Variants in GALNT13 observed in about 807,000 individuals in gnomAD.
GALNT13 encodes polypeptide N-acetylgalactosaminyltransferase 13.
GALNT13 carries 28 observed loss-of-function variants against 64.2 expected under a neutral mutation model. That is an observed-to-expected ratio of 0.44 (90% confidence interval 0.32 to 0.60). The LOEUF is 0.60. Among genes scored for constraint, GALNT13 ranks in the 20% least tolerant of loss-of-function variants. GALNT13 has a pLI of 0.05. For synonymous variants in GALNT13, 214 were observed against 224.6 expected, an observed-to-expected ratio of 0.95 and a Z score of 0.42; for missense variants, 577 against 669.8, an observed-to-expected ratio of 0.86 and a Z score of 1.53.
At chr2:153,667,337 A>G in the GALNT13 span, among the ~76,000 whole-genome samples, 1 of 152,304 alleles carries the variant, frequency 6.6e-6, no homozygotes, top group African/African-American at 2.4e-5. Flanking sequence ...TACTCATCAG[A>G]TTCTCCAAGG....
At chr2:153,353,221 T>C in the GALNT13 span, among the ~76,000 whole-genome samples, 2 of 152,120 alleles carry the variant, frequency 1.3e-5, no homozygotes, top group East Asian at 3.8e-4. Context: ...GGGATGCTAA[T>C]GTAAATGTTT....
At chr2:153,109,660 G>A in the GALNT13 span, among the ~76,000 whole-genome samples, 631 of 152,166 alleles carry the variant, frequency 4.1e-3, 3 homozygotes, top group Admixed American at 9.8e-3. Context: ...AAGGTCATTG[G>A]CCCTTATGCC....
At chr2:154,294,315 A>G (rs943790942) in intron 8 of GALNT13, among the ~76,000 whole-genome samples, 1 of 152,254 alleles carries the variant, frequency 6.6e-6, no homozygotes, top group African/African-American at 2.4e-5. Context: ...TTATACCTGT[A>G]TATGTACATA....
At chr2:153,502,050 T>A in the GALNT13 span, among the ~76,000 whole-genome samples, 11 of 152,260 alleles carry the variant, frequency 7.2e-5, no homozygotes, top group South Asian at 6.2e-4. Flanking sequence ...TTAAAAAAAA[T>A]TATTTATTTT....
the GALNT13 span, among the ~76,000 whole-genome samples, chr2:153,563,721 T>TC: frequency 3.3e-5 from 5 of 151,594 alleles, no homozygotes; most frequent in East Asian, 1.9e-4. Context: ...GTTTTTTTTT[T>TC]CCTATTAAGC....
the GALNT13 span, among the ~76,000 whole-genome samples, chr2:153,665,211 C>T: frequency 2.6e-5 from 4 of 152,134 alleles, no homozygotes; most frequent in Non-Finnish European, 4.4e-5. Flanking sequence ...GAAGTGCTTC[C>T]TCTTATGTCC....
chr2:154,281,348 C>G (rs1224921319), intron 8 of GALNT13, among the ~76,000 whole-genome samples: 1 of 152,086 alleles, frequency 6.6e-6, no homozygotes, highest in Non-Finnish European at 1.5e-5. Context: ...ACAATACAAT[C>G]AGAACCATGT....
chr2:153,480,417 T>A, the GALNT13 span, among the ~76,000 whole-genome samples: 1 of 152,162 alleles, frequency 6.6e-6, no homozygotes, highest in Non-Finnish European at 1.5e-5. Flanking sequence ...AAATAGCTAT[T>A]ATTATTTTGA....
At position 154,315,427 on chromosome 2, in the gene GALNT13, G is replaced by A. The variant is rs562767598; in HGVS notation, c.1156+13838G>A. Among the ~76,000 whole-genome samples, 3 of 152,242 alleles carry A rather than the reference G, an allele frequency of 2.0e-5. No individual in the cohort carries two copies. The South Asian group carries it at 6.2e-4, about 32-fold the overall frequency. ...GGCTAGGGCTTTAAAAACAGAAGGG[G>A]AAACAATTTCTGAAATAAGAAGTTT... On this transcript the variant is annotated intron_variant, in intron 9 of 12. Transcript: ENST00000392825.
chr2:154,255,929 C>T (rs184365808), intron 7 of GALNT13, among the ~76,000 whole-genome samples: 4 of 151,844 alleles, frequency 2.6e-5, no homozygotes, highest in East Asian at 3.9e-4. Context: ...GGTGCATGCC[C>T]GTAGTCCCAG....
At chr2:153,575,009 T>C in the GALNT13 span, among the ~76,000 whole-genome samples, 8 of 152,156 alleles carry the variant, frequency 5.3e-5, no homozygotes, top group East Asian at 1.5e-3. Flanking sequence ...CCTGTCCTTC[T>C]TGGGAAAGCT....
chr2:153,595,133 T>G, the GALNT13 span, among the ~76,000 whole-genome samples: 2 of 152,192 alleles, frequency 1.3e-5, no homozygotes, highest in East Asian at 3.9e-4. Flanking sequence ...AAATGTACTT[T>G]TTTTGTAGTA....
intron 3 of GALNT13, among the ~76,000 whole-genome samples, chr2:154,009,430 C>A (rs1426515655): frequency 2.0e-5 from 3 of 151,078 alleles, no homozygotes; most frequent in East Asian, 1.9e-4. Context: ...AAAAAAAATT[C>A]TGTGAAGATT....
chr2:153,670,266 C>A, the GALNT13 span, among the ~76,000 whole-genome samples: 14 of 152,136 alleles, frequency 9.2e-5, no homozygotes, highest in Admixed American at 9.2e-4. Flanking sequence ...CCCTGTGTAG[C>A]CTGGCTGGGA....
chr2:154,380,045 AAG>A (rs1266622562), intron 9 of GALNT13, among the ~76,000 whole-genome samples: 5 of 152,108 alleles, frequency 3.3e-5, no homozygotes, highest in Non-Finnish European at 1.5e-5. Context: ...TGGAATAAAT[AAG>A]ACAGTAACCT....
chr2:153,174,763 A>G, the GALNT13 span, among the ~76,000 whole-genome samples: 2 of 152,148 alleles, frequency 1.3e-5, no homozygotes, highest in African/African-American at 4.8e-5. Context: ...CTCCAGTAAC[A>G]TGTTTTTCAT....
chr2:153,944,476 T>A lies in GALNT13; in HGVS notation c.-22T>A. ...TAGCATTTGTCTTCAATCTGTGTGT[T>A]AACTAGAAATCAAGGAAAGACATGA... On this transcript the variant is annotated 5_prime_UTR_variant, in exon 3 of 13. The change abolishes the stop of an existing upstream ORF in the 5' untranslated region. Transcript: ENST00000392825. 6.2e-7 allele frequency: 1 copy of A among 1,608,974 alleles called. No individual in the cohort carries two copies. The highest frequency in any genetic ancestry group is 8.5e-7 in the Non-Finnish European group (1 of 1,177,218).
the GALNT13 span, among the ~76,000 whole-genome samples, chr2:153,585,654 AAAG>A: frequency 1.3e-5 from 2 of 152,174 alleles, no homozygotes. Context: ...AGTCAAATTG[AAAG>A]AATGAATTCT....
Position 154,018,243 on chromosome 2 carries a change from C to G in GALNT13, c.142+73604C>G, listed in dbSNP as rs1177661443. ...ATTTGTTTTGTTACTATTCCAATTG[C>G]TATTTATTGTCAGGGTTTATTCCGT... is the stretch of plus-strand genomic sequence containing the variant. On this transcript the variant is annotated intron_variant, in intron 3 of 12. Transcript: ENST00000392825. Among the ~76,000 whole-genome samples, 4 of 152,254 alleles carry G rather than the reference C, an allele frequency of 2.6e-5. No homozygotes were observed. The East Asian group carries it at 5.8e-4, about 22-fold the overall frequency.
Sources: gnomAD v4.1 joint callset for allele counts (sites outside exome capture counted in the v4.1 genomes callset) on GRCh38, gnomAD v4.1.1 for gene constraint, MANE v1.5 for transcripts, NCBI Gene and HGNC (gene_info 2026-07-23, HGNC 2026-07-21) for gene names.